JPH3: variants seen among roughly 807,000 people sequenced by gnomAD.
JPH3 encodes junctophilin-3.
JPH3 carries 11 observed loss-of-function variants against 59.6 expected under a neutral mutation model. That is an observed-to-expected ratio of 0.18 (90% CI 0.12 to 0.31). The LOEUF is 0.31. Ranked by LOEUF, JPH3 falls within the 10% of genes least tolerant of loss-of-function variation. JPH3 has a pLI of 1.00. For synonymous variants in JPH3, 673 were observed against 483.6 expected (o/e 1.39, Z -5.14); for missense variants, 1,202 against 1,105.7 (o/e 1.09, Z -1.24).
chr16:87,639,027 G>T (rs1370746601), intron 1 of JPH3, among the ~76,000 whole-genome samples: 2 of 152,270 alleles, frequency 1.3e-5, no homozygotes, highest in Middle Eastern at 3.4e-3. Context: ...GGGTTCTAAC[G>T]CTGCCGCTTC....
intron 2 of JPH3, among the ~76,000 whole-genome samples, chr16:87,671,863 G>A (rs865923491): frequency 2.6e-5 from 4 of 152,202 alleles, no homozygotes; most frequent in Non-Finnish European, 2.9e-5. Flanking sequence ...TTTGAAGATC[G>A]GTTTTCAGCA....
At chr16:87,675,506 GC>G (rs1024127934) in intron 2 of JPH3, among the ~76,000 whole-genome samples, 2 of 152,190 alleles carry the variant, frequency 1.3e-5, no homozygotes, top group African/African-American at 4.8e-5. Flanking sequence ...GGGCAGATGA[GC>G]CCAGCAGACA....
At chr16:87,682,066 C>A (rs1415405472) in intron 2 of JPH3, among the ~76,000 whole-genome samples, 2 of 152,128 alleles carry the variant, frequency 1.3e-5, no homozygotes, top group Non-Finnish European at 2.9e-5. Context: ...ATCGGAGCCC[C>A]CACAAGACAG....
chr16:87,691,982 A>G (rs1436311307), intron 4 of JPH3, among the ~76,000 whole-genome samples: 3 of 152,236 alleles, frequency 2.0e-5, no homozygotes, highest in South Asian at 2.1e-4. Flanking sequence ...CTGGGGGTCA[A>G]TGCACAAGCT....
Position 87,696,821 on chromosome 16 carries a change from C to CT in JPH3, c.*168dup, listed in dbSNP as rs1488404578. 12 of 642,372 alleles carry CT rather than the reference C, an allele frequency of 1.9e-5. No individual in the cohort carries two copies. The highest frequency in any genetic ancestry group is 2.7e-5 in the Non-Finnish European group (10 of 365,130). 39.8% of individuals were successfully genotyped at this position (642,372 alleles called of 1,614,324 possible). A position where few individuals can be genotyped will look rare whatever the true frequency, so the allele number is the denominator to read the frequency against. The stretch of plus-strand genomic sequence containing the variant: ...CGATTGGGTATCACTCACAGTTTGC[C>CT]TTTTTTTCTGGGTAATGTTTTTTGG... On this transcript the variant is annotated 3_prime_UTR_variant, in exon 5 of 5. Coordinates refer to ENST00000284262, the MANE Select transcript of JPH3 (RefSeq NM_020655.4).
At chr16:87,694,934 C>T (rs141787493) in intron 4 of JPH3, 44 of 246,898 alleles carry the variant, frequency 1.8e-4, no homozygotes, top group Non-Finnish European at 2.5e-4. Context: ...ATGTCTTCCC[C>T]GCTGTGTGTT....
intron 1 of JPH3, among the ~76,000 whole-genome samples, chr16:87,608,008 C>T (rs1301321579): frequency 6.6e-6 from 1 of 152,240 alleles, no homozygotes; most frequent in Non-Finnish European, 1.5e-5. Flanking sequence ...CTGAAGGGCA[C>T]CCCTACCCAC....
intron 1 of JPH3, among the ~76,000 whole-genome samples, chr16:87,618,282 C>T (rs943369916): frequency 2.0e-5 from 3 of 152,064 alleles, no homozygotes; most frequent in East Asian, 3.9e-4. Flanking sequence ...CCCCAGGACT[C>T]GAGAAGTGGG....
chr16:87,655,532 CT>C (rs2032471243), intron 2 of JPH3, among the ~76,000 whole-genome samples: 1 of 152,124 alleles, frequency 6.6e-6, no homozygotes, highest in African/African-American at 2.4e-5. Flanking sequence ...ATTTTTATGT[CT>C]TGTAGAGATG....
intron 2 of JPH3, among the ~76,000 whole-genome samples, chr16:87,646,774 C>CA (rs1254763340): frequency 6.6e-6 from 1 of 152,142 alleles, no homozygotes; most frequent in East Asian, 1.9e-4. Context: ...GTGTGACCTG[C>CA]AGATTGGTTC....
chr16:87,602,445 G>GGGC (rs1386349245), upstream of JPH3, among the ~76,000 whole-genome samples: 13 of 106,462 alleles, frequency 1.2e-4, no homozygotes, highest in South Asian at 3.0e-4. Flanking sequence ...GGCGGGGGGC[G>GGGC]GGGGGCGGGG....
chr16:87,615,310 C>G (rs1597236437), intron 1 of JPH3, among the ~76,000 whole-genome samples: 2 of 152,310 alleles, frequency 1.3e-5, no homozygotes, highest in South Asian at 2.1e-4. Context: ...TGGAGTAGAC[C>G]CAGGCAGAGT....
At chr16:87,608,638 G>A (rs1270590855) in intron 1 of JPH3, among the ~76,000 whole-genome samples, 2 of 152,172 alleles carry the variant, frequency 1.3e-5, no homozygotes, top group Non-Finnish European at 2.9e-5. Flanking sequence ...TTGGGTGGAC[G>A]GCTGGACTCA....
At chr16:87,690,629 T>A in intron 4 of JPH3, 103 bp downstream of exon 4, 29 of 1,219,552 alleles carry the variant, frequency 2.4e-5, no homozygotes, top group Non-Finnish European at 3.0e-5. Flanking sequence ...GCTCCCCTGT[T>A]CCTCTCCAGG....
At chr16:87,621,652 A>G (rs1306733559) in intron 1 of JPH3, among the ~76,000 whole-genome samples, 1 of 152,216 alleles carries the variant, frequency 6.6e-6, no homozygotes, top group East Asian at 1.9e-4. Flanking sequence ...AGCCCCCGGA[A>G]GGCTCCGGTT....
At chr16:87,648,726 A>G (rs915516140) in intron 2 of JPH3, among the ~76,000 whole-genome samples, 1 of 152,132 alleles carries the variant, frequency 6.6e-6, no homozygotes, top group African/African-American at 2.4e-5. Context: ...AAGGCACAGG[A>G]TGGATACCCT....
At chr16:87,690,822 G>T (rs1233003982) in intron 4 of JPH3, among the ~76,000 whole-genome samples, 1 of 152,240 alleles carries the variant, frequency 6.6e-6, no homozygotes, top group African/African-American at 2.4e-5. Context: ...TCCCCGCAAC[G>T]TGCTCAACCC....
intron 2 of JPH3, among the ~76,000 whole-genome samples, chr16:87,681,265 C>T (rs1333477845): frequency 1.4e-5 from 2 of 144,640 alleles, no homozygotes; most frequent in Non-Finnish European, 3.0e-5. Flanking sequence ...GTCACGTGCG[C>T]GCGGTCGTGA....
chr16:87,644,313 G>C lies in JPH3; in HGVS notation c.438G>C (p.Gln146His). ...TGCGCCAGGGCTACGGCGTCCGGCA[G>C]AGCGTCCCGTATGGCATGGCCGCGG... is the stretch of plus-strand genomic sequence containing the variant. ...GGMRQGYGVR[Q>H]SVPYGMAAVI... The change falls in exon 2 of 5, where the codon CAG becomes CAC. Residue 146 changes from glutamine to histidine, a missense_variant. Physicochemically the swap from Gln to His is conservative, Grantham distance 24. Transcript: ENST00000284262. The C allele has an allele frequency of 6.2e-7, 1 of 1,612,820 alleles. No homozygotes were observed. Among genetic ancestry groups the C allele is most frequent in the East Asian group, 2.2e-5 (1 of 44,866 alleles).
Sources: allele counts gnomAD v4.1 joint callset (sites outside exome capture counted in the v4.1 genomes callset), GRCh38; gene constraint gnomAD v4.1.1; transcripts MANE v1.5; gene names NCBI Gene and HGNC (gene_info 2026-07-23, HGNC 2026-07-21).